The following NTF3 variants were observed in gnomAD, a reference collection of about 807,000 sequenced individuals.
NTF3 encodes neurotrophin-3.
A neutral mutation model predicts 26.3 loss-of-function variants in NTF3; 8 were observed. The observed-to-expected ratio is 0.30, with a 90% CI of 0.18 to 0.55. NTF3 has a LOEUF of 0.55. Ranked by LOEUF, NTF3 falls within the 20% of genes least tolerant of loss-of-function variation. The pLI is 0.93. For missense variants in NTF3, 276 were observed against 352.9 expected, an observed-to-expected ratio of 0.78 and a Z score of 1.75; for synonymous variants, 154 against 145.5, an observed-to-expected ratio of 1.06 and a Z score of -0.42.
rs1402290522 is a variant in NTF3 at position 5,494,639 on chromosome 12, A to G, written c.464A>G (p.His155Arg). 2.5e-6 allele frequency: 4 copies of G among 1,614,038 alleles called. No individual in the cohort carries two copies. Among genetic ancestry groups the G allele is most frequent in the Non-Finnish European group, 2.5e-6 (3 of 1,180,052 alleles). ...RTSRRKRYAE[H>R]KSHRGEYSVC... ...TCACGGCGGAAACGGTACGCGGAGC[A>G]TAAGAGTCACCGAGGGGAGTACTCG... The change falls in exon 2 of 2, where the codon CAT (histidine) becomes CGT (arginine). Residue 155 changes from histidine (H) to arginine (R), a missense_variant. His to Arg is a conservative substitution (Grantham distance 29). Around this residue, in one of 3 missense-constraint regions of NTF3, gnomAD observed 221 missense variants for 258.2 expected, o/e 0.86. Coordinates refer to ENST00000423158, the MANE Select transcript of NTF3 (RefSeq NM_001102654.2). This position sits in a 1 kb window ranked among gnomAD's most constrained non-coding sequence, Gnocchi z 8.3.
chr12:5,435,505 T>G (rs1192332027), intron 1 of NTF3, among the ~76,000 whole-genome samples: 2 of 152,136 alleles, frequency 1.3e-5, no homozygotes, highest in Non-Finnish European at 2.9e-5. Flanking sequence ...TTGTAAAAAG[T>G]GGGGCATAAA....
intron 1 of NTF3, among the ~76,000 whole-genome samples, chr12:5,478,723 T>C (rs552856554): frequency 6.6e-6 from 1 of 152,380 alleles, no homozygotes; most frequent in African/African-American, 2.4e-5. Context: ...TAAACTGAAA[T>C]AAATCTTCAA....
chr12:5,441,621 G>A (rs1034106478), intron 1 of NTF3, among the ~76,000 whole-genome samples: 3 of 152,186 alleles, frequency 2.0e-5, no homozygotes, highest in African/African-American at 4.8e-5. Context: ...GGGATCTGTT[G>A]TTTTCATTTT....
chr12:5,443,767 T>C (rs769411307), intron 1 of NTF3, among the ~76,000 whole-genome samples: 9 of 152,104 alleles, frequency 5.9e-5, no homozygotes, highest in Non-Finnish European at 1.3e-4. Flanking sequence ...TCTCTTTTTC[T>C]CTGTCTTTCT....
At chr12:5,474,489 T>C (rs1940699973) in intron 1 of NTF3, among the ~76,000 whole-genome samples, 1 of 152,134 alleles carries the variant, frequency 6.6e-6, no homozygotes, top group Non-Finnish European at 1.5e-5. Flanking sequence ...CCCAGGTCCC[T>C]CGCTGAGGCT....
chr12:5,474,192 T>C (rs1940696605), intron 1 of NTF3, among the ~76,000 whole-genome samples: 1 of 152,214 alleles, frequency 6.6e-6, no homozygotes, highest in Non-Finnish European at 1.5e-5. Flanking sequence ...AGGAATCTTT[T>C]ATGGAGTACC....
At chr12:5,475,519 A>C (rs1940711412) in intron 1 of NTF3, among the ~76,000 whole-genome samples, 1 of 152,076 alleles carries the variant, frequency 6.6e-6, no homozygotes, top group Admixed American at 6.5e-5. Context: ...AGGAAGGAAA[A>C]CCTTTATGGA....
chr12:5,489,754 C>A (rs1444120065), intron 1 of NTF3, among the ~76,000 whole-genome samples: 1 of 152,140 alleles, frequency 6.6e-6, no homozygotes, highest in Non-Finnish European at 1.5e-5. Context: ...AGTCTCTGCA[C>A]GTGACAGGGC....
intron 1 of NTF3, among the ~76,000 whole-genome samples, chr12:5,455,365 G>C (rs1479134157): frequency 6.6e-6 from 1 of 152,152 alleles, no homozygotes; most frequent in Non-Finnish European, 1.5e-5. Flanking sequence ...CGTAACCCAT[G>C]ACTGCCTGGG....
chr12:5,478,480 C>T (rs1007397031), intron 1 of NTF3, among the ~76,000 whole-genome samples: 4 of 152,044 alleles, frequency 2.6e-5, no homozygotes, highest in East Asian at 1.9e-4. Flanking sequence ...CAGGGATCCC[C>T]GCCCCAGCAG....
chr12:5,483,249 G>A (rs1940829346), intron 1 of NTF3, among the ~76,000 whole-genome samples: 1 of 151,650 alleles, frequency 6.6e-6, no homozygotes, highest in Non-Finnish European at 1.5e-5. Context: ...CTTACTTGAA[G>A]TCTCCATGAG....
At chr12:5,482,973 TTC>T (rs1030395351) in intron 1 of NTF3, among the ~76,000 whole-genome samples, 6 of 151,914 alleles carry the variant, frequency 3.9e-5, no homozygotes, top group Non-Finnish European at 7.4e-5. Flanking sequence ...CTATCTCTGT[TTC>T]TCTGTCTCAG....
intron 1 of NTF3, among the ~76,000 whole-genome samples, chr12:5,432,666 C>G (rs1940111462): frequency 6.6e-6 from 1 of 151,870 alleles, no homozygotes; most frequent in African/African-American, 2.4e-5. Context: ...CAAGAAGCTT[C>G]CCTCAATCTG....
intron 1 of NTF3, among the ~76,000 whole-genome samples, chr12:5,439,742 G>A (rs1338576152): frequency 1.3e-5 from 2 of 152,194 alleles, no homozygotes; most frequent in Admixed American, 1.3e-4. Context: ...AGAGGTGGTA[G>A]GTCCCAGCAT....
At chr12:5,443,927 A>T (rs1940271745) in intron 1 of NTF3, among the ~76,000 whole-genome samples, 1 of 152,172 alleles carries the variant, frequency 6.6e-6, no homozygotes, top group Non-Finnish European at 1.5e-5. Flanking sequence ...GATATTTTAG[A>T]CTGTGGTCTA....
intron 1 of NTF3, among the ~76,000 whole-genome samples, chr12:5,461,515 G>A (rs1392579232): frequency 2.0e-5 from 3 of 151,962 alleles, no homozygotes; most frequent in Admixed American, 6.6e-5. Flanking sequence ...AGGCTGCACC[G>A]GCCTGCCTAA....
In NTF3 at chr12:5,432,430, G is replaced by T. The variant is rs1167501920; in HGVS notation, c.18+88G>T. On this transcript the variant is annotated intron_variant, in intron 1 of 1. Coordinates refer to ENST00000423158, the MANE Select transcript of NTF3 (RefSeq NM_001102654.2). Reference sequence around the variant, plus strand: ...GGATTTTCCAGTGGACTGGTGCGGGGGGCCCCAGATCCGCATCCCGCCCCA... The same window carrying T: ...GGATTTTCCAGTGGACTGGTGCGGGTGGCCCCAGATCCGCATCCCGCCCCA... The T allele has an allele frequency of 7.5e-6, 11 of 1,465,588 alleles. No homozygotes were observed. The Admixed American group carries it at 1.7e-4, about 23-fold the overall frequency. 90.8% of individuals were successfully genotyped at this position (1,465,588 alleles called of 1,614,324 possible).
chr12:5,481,647 A>T (rs1369762580), intron 1 of NTF3, among the ~76,000 whole-genome samples: 1 of 136,528 alleles, frequency 7.3e-6, no homozygotes, highest in Non-Finnish European at 1.6e-5. Flanking sequence ...ATACAGATAT[A>T]CTCACAGAAT....
chr12:5,441,502 A>C (rs1433069414), intron 1 of NTF3, among the ~76,000 whole-genome samples: 1 of 152,214 alleles, frequency 6.6e-6, no homozygotes, highest in African/African-American at 2.4e-5. Context: ...TAACCTGGGA[A>C]GCCTCCCTGC....
Sources: allele counts gnomAD v4.1 joint callset (sites outside exome capture counted in the v4.1 genomes callset), GRCh38; gene constraint gnomAD v4.1.1; regional missense constraint gnomAD v4.1.1; non-coding constraint Gnocchi (gnomAD v3.1); transcripts MANE v1.5; gene names NCBI Gene and HGNC (gene_info 2026-07-23, HGNC 2026-07-21).